Variants in TENM1 observed in about 807,000 individuals in gnomAD.
TENM1 encodes the protein teneurin transmembrane protein 1, also known as teneurin-1.
Under a neutral mutation model 174.8 loss-of-function variants are expected in TENM1, and 35 were observed. The observed-to-expected ratio is 0.20, with a 90% CI of 0.15 to 0.27. The LOEUF (loss-of-function observed/expected upper bound fraction) is 0.27. Ranked by LOEUF, TENM1 falls within the 10% of genes least tolerant of loss-of-function variation. TENM1 has a pLI of 1.00. For synonymous variants in TENM1, 781 were observed against 798.7 expected (o/e 0.98, Z 0.37); for missense variants, 1,633 against 2,130.1 (o/e 0.77, Z 4.59).
chrX:124,903,937 T>C (rs1324734960), intron 1 of TENM1, among the ~76,000 whole-genome samples: 2 of 111,661 alleles, frequency 1.8e-5, no homozygotes, highest in Non-Finnish European at 3.8e-5. Context: ...GCTGGCCCAA[T>C]TTTCTGGCTG....
At chrX:125,156,998 G>C in the TENM1 span, among the ~76,000 whole-genome samples, 1 of 112,247 alleles carries the variant, frequency 8.9e-6, no homozygotes, top group East Asian at 2.8e-4. Flanking sequence ...CAGTAAACAA[G>C]ACAAATGATG....
At chrX:124,496,177 C>G (rs895763955) in intron 20 of TENM1, among the ~76,000 whole-genome samples, 2 of 110,867 alleles carry the variant, frequency 1.8e-5, no homozygotes, top group South Asian at 3.8e-4. Context: ...ATGTAGAAAG[C>G]TGAAACTGGA....
chrX:125,192,172 T>A, the TENM1 span, among the ~76,000 whole-genome samples: 2 of 110,316 alleles, frequency 1.8e-5, no homozygotes, highest in Admixed American at 1.9e-4. Context: ...TGGAGAAAAA[T>A]CATTTTAGAC....
At chrX:125,055,290 G>A in the TENM1 span, among the ~76,000 whole-genome samples, 3,986 of 111,155 alleles carry the variant, frequency 0.036, 62 homozygotes, top group Non-Finnish European at 0.05. Context: ...CACGTCTTGC[G>A]GCTACTAAGT....
the TENM1 span, chrX:125,203,879 G>C: frequency 8.8e-6 from 1 of 113,231 alleles, no homozygotes; most frequent in African/African-American, 3.2e-5. Context: ...CGGCTCCGCC[G>C]GGCGCTGCCA....
intron 11 of TENM1, among the ~76,000 whole-genome samples, chrX:124,631,988 C>T (rs2050770836): frequency 2.0e-5 from 2 of 101,217 alleles, no homozygotes; most frequent in African/African-American, 3.6e-5. Flanking sequence ...TCTCGGCTCA[C>T]TGCAACCTCT....
chrX:125,013,923 G>A, the TENM1 span, among the ~76,000 whole-genome samples: 3 of 111,458 alleles, frequency 2.7e-5, no homozygotes, highest in East Asian at 2.8e-4. Context: ...ATGCTAAACC[G>A]TTATTTGGAT....
intron 3 of TENM1, among the ~76,000 whole-genome samples, chrX:124,808,666 C>A (rs573431106): frequency 9.0e-6 from 1 of 111,684 alleles, no homozygotes; most frequent in Non-Finnish European, 1.9e-5. Context: ...AAATGAATAT[C>A]AGAAGAGACT....
chrX:124,776,584 T>C (rs1036485133), intron 3 of TENM1, among the ~76,000 whole-genome samples: 3 of 112,264 alleles, frequency 2.7e-5, no homozygotes, highest in Admixed American at 1.9e-4. Context: ...TTGAAAAGCA[T>C]ACCAAAAATA....
chrX:124,581,061 T>C (rs1011734221), intron 11 of TENM1, among the ~76,000 whole-genome samples: 20 of 35,498 alleles, frequency 5.6e-4, no homozygotes, highest in African/African-American at 3.4e-3. Context: ...TACTTAGTTC[T>C]TTTTTTTTTT....
At chrX:124,429,488 A>G in intron 23 of TENM1, among the ~76,000 whole-genome samples, 1 of 110,967 alleles carries the variant, frequency 9.0e-6, no homozygotes, top group Non-Finnish European at 1.9e-5. Flanking sequence ...AACACAATGG[A>G]GGGAGTTTGG....
rs764557940 is a variant in TENM1, at chrX:124,705,273, T to C, written c.777-22A>G. 18 of 1,134,084 alleles carry C rather than the reference T, an allele frequency of 1.6e-5. No individual in the cohort carries two copies. The South Asian group carries it at 3.7e-4, about 23-fold the overall frequency. 93.5% of individuals were successfully genotyped at this position (1,134,084 alleles called of 1,213,427 possible). ...ATGCCTGTGAAAAGGAAACACAAGT[T>C]TGGGCTATAAAAAGCAAAGCCAGTT... On this transcript the variant is annotated intron_variant, in intron 4 of 31. Coordinates refer to ENST00000422452, the Ensembl canonical transcript of TENM1.
At chrX:125,155,610 G>A in the TENM1 span, among the ~76,000 whole-genome samples, 4 of 112,299 alleles carry the variant, frequency 3.6e-5, no homozygotes, top group South Asian at 3.7e-4. Flanking sequence ...TGCAGGTCCC[G>A]AGCCCTGCCC....
chrX:124,546,453 C>T (rs758781340), intron 15 of TENM1, among the ~76,000 whole-genome samples: 3 of 111,774 alleles, frequency 2.7e-5, no homozygotes, highest in East Asian at 2.8e-4. Flanking sequence ...AGATTTTTCA[C>T]GAGTCTTGCA....
the TENM1 span, among the ~76,000 whole-genome samples, chrX:125,153,362 TAAAACA>T: frequency 3.6e-3 from 402 of 112,220 alleles, no homozygotes; most frequent in Non-Finnish European, 4.7e-3. Flanking sequence ...TCATCTGGAT[TAAAACA>T]AAAACAAAAA....
In TENM1 at chrX:124,497,045, C is replaced by T. The variant is rs191352855; in HGVS notation, c.3666G>A (p.Ser1222=). 136 of 1,207,983 alleles carry T rather than the reference C, an allele frequency of 1.1e-4. 2 individuals are homozygous for T. The East Asian group carries it at 2.6e-3, about 23-fold the overall frequency. ...ATTCCAAAATACTAACGGAGTTTCC[C>T]GAGGGAAATATTCTCCTTACAAAAT... Residue 1222 remains serine (S), a synonymous_variant, in exon 20 of 32, where the codon TCG becomes TCA. Transcript: ENST00000422452.
chrX:124,885,711 T>C (rs1202672943), intron 3 of TENM1, among the ~76,000 whole-genome samples: 1 of 111,121 alleles, frequency 9.0e-6, no homozygotes, highest in African/African-American at 3.3e-5. Flanking sequence ...CCCAATTTTC[T>C]TTAATAATCT....
At chrX:125,160,630 C>T in the TENM1 span, among the ~76,000 whole-genome samples, 6 of 105,816 alleles carry the variant, frequency 5.7e-5, no homozygotes, top group East Asian at 5.9e-4. Flanking sequence ...TGCTCATGGA[C>T]GCCACACAAC....
Position 124,962,775 on chromosome X carries a change from G to A in TENM1, c.217+762C>T, listed in dbSNP as rs771691241. Among the ~76,000 whole-genome samples, 4 of 110,787 alleles carry A rather than the reference G, an allele frequency of 3.6e-5. No individual in the cohort carries two copies. In the South Asian group the frequency reaches 1.2e-3, roughly 32 times the overall value. ...GGAGGTTGCAGTAAGCCGAGATTGCGCCACTGCACTCCAGACTGGGCAACA... is the reference window on the plus strand; with the variant it reads ...GGAGGTTGCAGTAAGCCGAGATTGCACCACTGCACTCCAGACTGGGCAACA... On this transcript the variant is annotated intron_variant, in intron 1 of 31. Transcript: ENST00000422452.
Sources: allele counts gnomAD v4.1 joint callset (sites outside exome capture counted in the v4.1 genomes callset), GRCh38; gene constraint gnomAD v4.1.1; transcripts MANE v1.5; gene names NCBI Gene and HGNC (gene_info 2026-07-23, HGNC 2026-07-21).